The following EDIL3 variants were observed in gnomAD, a reference collection of about 807,000 sequenced individuals.
EDIL3 encodes the protein EGF-like repeat and discoidin I-like domain-containing protein 3.
EDIL3 carries 37 observed loss-of-function variants against 67.4 expected under a neutral mutation model. The ratio of observed to expected loss-of-function variants is 0.55; its 90% CI spans 0.42 to 0.72. EDIL3 has a LOEUF of 0.72. Ranked by LOEUF, EDIL3 falls within the 30% of genes least tolerant of loss-of-function variation. EDIL3 has a pLI of 0.00. For synonymous variants in EDIL3, 195 were observed against 196.3 expected (o/e 0.99, Z 0.05); for missense variants, 527 against 586.3 (o/e 0.90, Z 1.04).
Position 83,941,124 on chromosome 5 carries a change from G to C in EDIL3, c.*2295C>G, listed in dbSNP as rs1257333046. On this transcript the variant is annotated 3_prime_UTR_variant, in exon 11 of 11. Coordinates refer to ENST00000296591, the MANE Select transcript of EDIL3 (RefSeq NM_005711.5). ...TGTCATCGACATGAATGACACAAAA[G>C]CTACTTCATAATACTACTTTACAAT... 6.6e-6 allele frequency: 1 copy of C among 151,958 alleles called. No homozygotes were observed. The highest frequency in any genetic ancestry group is 1.5e-5 in the Non-Finnish European group (1 of 67,898). The allele number at this position is 151,958 out of a possible 1,614,324, so 9.4% of individuals were successfully genotyped here. A position where few individuals can be genotyped will look rare whatever the true frequency, so the allele number is the denominator to read the frequency against.
chr5:83,961,130 C>T (rs1431746714), intron 10 of EDIL3, among the ~76,000 whole-genome samples: 2 of 150,882 alleles, frequency 1.3e-5, no homozygotes, highest in African/African-American at 4.8e-5. Flanking sequence ...ACCAGGGGTA[C>T]AGAAGTTCAT....
intron 6 of EDIL3, among the ~76,000 whole-genome samples, chr5:84,075,392 T>A (rs1746832228): frequency 6.6e-6 from 1 of 151,986 alleles, no homozygotes; most frequent in South Asian, 2.1e-4. Context: ...TACAAGAACA[T>A]CACAGGTAAA....
chr5:84,251,838 C>A (rs2112073295), intron 2 of EDIL3, among the ~76,000 whole-genome samples: 1 of 152,214 alleles, frequency 6.6e-6, no homozygotes, highest in Admixed American at 6.5e-5. Flanking sequence ...TAACTAATAT[C>A]CTATACTAAA....
chr5:84,198,893 T>C (rs1735833206), intron 3 of EDIL3, among the ~76,000 whole-genome samples: 1 of 152,056 alleles, frequency 6.6e-6, no homozygotes, highest in South Asian at 2.1e-4. Flanking sequence ...GGTTTCTAAA[T>C]GGAATGAGAT....
chr5:84,362,415 T>C (rs1239007982), intron 1 of EDIL3, among the ~76,000 whole-genome samples: 3 of 152,200 alleles, frequency 2.0e-5, no homozygotes, highest in Non-Finnish European at 4.4e-5. Context: ...GGCTGATTCA[T>C]GCTACATTGC....
chr5:84,149,412 T>C (rs766085659), intron 4 of EDIL3, among the ~76,000 whole-genome samples: 3 of 152,158 alleles, frequency 2.0e-5, no homozygotes, highest in Non-Finnish European at 4.4e-5. Context: ...TCATGGGGCA[T>C]TGGGCAGAGG....
intron 1 of EDIL3, among the ~76,000 whole-genome samples, chr5:84,294,135 G>C (rs1045036220): frequency 3.3e-5 from 5 of 151,816 alleles, no homozygotes; most frequent in Non-Finnish European, 7.4e-5. Context: ...TGTAATCCCA[G>C]CACTTCAGGA....
intron 2 of EDIL3, among the ~76,000 whole-genome samples, chr5:84,242,831 T>TATA (rs1312557420): frequency 1.3e-5 from 2 of 149,530 alleles, no homozygotes; most frequent in African/African-American, 2.5e-5. Context: ...GAAATATTAT[T>TATA]ATTATTATTT....
intron 10 of EDIL3, among the ~76,000 whole-genome samples, chr5:83,960,373 G>A (rs1037608460): frequency 6.6e-6 from 1 of 151,008 alleles, no homozygotes; most frequent in African/African-American, 2.4e-5. Flanking sequence ...AACTTGCCTA[G>A]TAGAGTCTAT....
At chr5:83,989,186 T>A (rs1283371291) in intron 9 of EDIL3, among the ~76,000 whole-genome samples, 1 of 152,162 alleles carries the variant, frequency 6.6e-6, no homozygotes, top group Non-Finnish European at 1.5e-5. Context: ...ATATAATTCC[T>A]GCTTCATTTT....
intron 1 of EDIL3, among the ~76,000 whole-genome samples, chr5:84,289,534 T>C (rs1457114063): frequency 6.6e-6 from 1 of 152,150 alleles, no homozygotes; most frequent in Admixed American, 6.5e-5. Context: ...CTTCAGTCAC[T>C]TCACTGCTTG....
At chr5:84,087,575 T>G (rs146010678) in intron 6 of EDIL3, among the ~76,000 whole-genome samples, 127 of 152,364 alleles carry the variant, frequency 8.3e-4, no homozygotes, top group African/African-American at 3.1e-3. Context: ...AACATTATGA[T>G]AGCATATCTG....
At chr5:84,356,911 T>C in intron 1 of EDIL3, among the ~76,000 whole-genome samples, 1 of 146,000 alleles carries the variant, frequency 6.8e-6, no homozygotes, top group African/African-American at 2.5e-5. Context: ...TTTTTTTTTT[T>C]TTTTGGTCTC....
At chr5:84,331,957 G>T (rs1746881764) in intron 1 of EDIL3, among the ~76,000 whole-genome samples, 1 of 152,122 alleles carries the variant, frequency 6.6e-6, no homozygotes, top group South Asian at 2.1e-4. Flanking sequence ...ATGTTGTGAG[G>T]CAGGATACAT....
chr5:84,073,244 T>C (rs1746777795), intron 6 of EDIL3, among the ~76,000 whole-genome samples: 1 of 152,188 alleles, frequency 6.6e-6, no homozygotes, highest in South Asian at 2.1e-4. Context: ...AATATCATAC[T>C]GAATGGGCAA....
intron 1 of EDIL3, among the ~76,000 whole-genome samples, chr5:84,364,017 T>A (rs116520526): frequency 6.6e-6 from 1 of 152,162 alleles, no homozygotes; most frequent in Non-Finnish European, 1.5e-5. Flanking sequence ...AGCGTTTTCA[T>A]GACATCTTAA....
At chr5:83,965,445 G>A (rs1358877748) in intron 9 of EDIL3, among the ~76,000 whole-genome samples, 1 of 151,976 alleles carries the variant, frequency 6.6e-6, no homozygotes, top group African/African-American at 2.4e-5. Flanking sequence ...AATGTTGCTG[G>A]CACTCAATAC....
At chr5:84,015,966 G>T (rs976631761) in intron 9 of EDIL3, among the ~76,000 whole-genome samples, 1 of 152,104 alleles carries the variant, frequency 6.6e-6, no homozygotes, top group Non-Finnish European at 1.5e-5. Context: ...ATGGGGGTCT[G>T]TAGTACAGAT....
rs999109551 is a variant in EDIL3, at chr5:84,302,979, T to G, written c.68-48767A>C. Among the ~76,000 whole-genome samples, 3 of 149,968 alleles carry G rather than the reference T, an allele frequency of 2.0e-5. No individual in the cohort carries two copies. The South Asian group carries it at 6.4e-4, about 32-fold the overall frequency. On this transcript the variant is annotated intron_variant, in intron 1 of 10. Coordinates refer to ENST00000296591, the MANE Select transcript of EDIL3 (RefSeq NM_005711.5). ...TAATTGAATCAAAATCAGAGAGAGA[T>G]AGGTAGCTTCTGTTCTAAAGAGAAT...
Sources: allele counts gnomAD v4.1 joint callset (sites outside exome capture counted in the v4.1 genomes callset), GRCh38; gene constraint gnomAD v4.1.1; transcripts MANE v1.5; gene names NCBI Gene and HGNC (gene_info 2026-07-23, HGNC 2026-07-21).